Variants in PCDH15 observed in about 807,000 individuals in gnomAD.
PCDH15 encodes protocadherin-15.
PCDH15 carries 129 observed loss-of-function variants against 178.5 expected under a neutral mutation model. The observed-to-expected ratio is 0.72, with a 90% CI of 0.63 to 0.84. The LOEUF is 0.84. PCDH15 is among the 40% of genes least tolerant of loss of function. The pLI is 0.00. For missense variants in PCDH15, 2,230 were observed against 2,099.9 expected (o/e 1.06, Z -1.21); for synonymous variants, 800 against 732.0 (o/e 1.09, Z -1.50).
chr10:54,515,178 T>C (rs577015119), intron 3 of PCDH15, among the ~76,000 whole-genome samples: 6 of 152,320 alleles, frequency 3.9e-5, no homozygotes, highest in African/African-American at 1.2e-4. Context: ...GGGAGAGGCA[T>C]TGCTTCACTC....
intron 3 of PCDH15, among the ~76,000 whole-genome samples, chr10:54,521,811 C>G (rs533402114): frequency 6.6e-6 from 1 of 151,782 alleles, no homozygotes; most frequent in African/African-American, 2.4e-5. Flanking sequence ...TAAAGTTGGC[C>G]GGGCGTGGTG....
intron 13 of PCDH15, among the ~76,000 whole-genome samples, chr10:54,170,863 A>G (rs989996462): frequency 1.3e-4 from 20 of 151,966 alleles, no homozygotes; most frequent in Non-Finnish European, 2.6e-4. Flanking sequence ...TCTATCCTCA[A>G]GGAAATAACT....
intron 2 of PCDH15, among the ~76,000 whole-genome samples, chr10:55,548,152 CT>C (rs1445210445): frequency 6.6e-6 from 1 of 151,024 alleles, no homozygotes; most frequent in African/African-American, 2.4e-5. Context: ...ACCTGAGACT[CT>C]GGTCATCATG....
chr10:54,913,759 C>T (rs1280925659), intron 2 of PCDH15, among the ~76,000 whole-genome samples: 1 of 152,084 alleles, frequency 6.6e-6, no homozygotes, highest in Non-Finnish European at 1.5e-5. Flanking sequence ...GGAGCCCACC[C>T]CTTGCATCAG....
At chr10:54,945,240 G>A (rs1838164296) in intron 2 of PCDH15, among the ~76,000 whole-genome samples, 1 of 151,686 alleles carries the variant, frequency 6.6e-6, no homozygotes, top group South Asian at 2.1e-4. Context: ...CCAAGCAACA[G>A]AACATATAAT....
intron 4 of PCDH15, among the ~76,000 whole-genome samples, chr10:54,373,884 T>C (rs139386191): frequency 2.0e-4 from 30 of 152,182 alleles, no homozygotes; most frequent in Middle Eastern, 3.4e-3. Context: ...GATTTCAAAG[T>C]TTATGTTCAA....
intron 2 of PCDH15, among the ~76,000 whole-genome samples, chr10:55,615,733 G>A (rs1843459609): frequency 6.6e-6 from 1 of 152,034 alleles, no homozygotes; most frequent in Admixed American, 6.6e-5. Flanking sequence ...AATAAAAAAT[G>A]CCAGTCATAG....
intron 11 of PCDH15, among the ~76,000 whole-genome samples, chr10:54,192,735 T>G (rs144157320): frequency 1.8e-4 from 27 of 152,296 alleles, no homozygotes; most frequent in African/African-American, 6.5e-4. Context: ...TCACTCACCA[T>G]AGATTATTTT....
At chr10:55,132,851 T>G (rs1322914860) in intron 2 of PCDH15, among the ~76,000 whole-genome samples, 4 of 152,196 alleles carry the variant, frequency 2.6e-5, no homozygotes, top group African/African-American at 9.6e-5. Flanking sequence ...GAATAAGGTT[T>G]GGAGAGTTAA....
intron 2 of PCDH15, among the ~76,000 whole-genome samples, chr10:54,913,190 G>C (rs1023693185): frequency 6.6e-5 from 10 of 152,184 alleles, no homozygotes; most frequent in African/African-American, 2.4e-4. Context: ...TGGGGAAAAT[G>C]CCTCAAAAGC....
At chr10:54,007,131 G>T (rs897314904) in intron 20 of PCDH15, among the ~76,000 whole-genome samples, 17 of 152,096 alleles carry the variant, frequency 1.1e-4, no homozygotes, top group Non-Finnish European at 2.1e-4. Context: ...GTTTGCTGTA[G>T]AACAGCCCTT....
intron 2 of PCDH15, chr10:55,469,312 C>T (rs1049993760): frequency 8.6e-5 from 13 of 151,936 alleles, no homozygotes; most frequent in African/African-American, 2.4e-4. Flanking sequence ...GCTTTTTGTG[C>T]GTTAACTTGC....
intron 3 of PCDH15, among the ~76,000 whole-genome samples, chr10:54,484,847 A>G (rs1318829813): frequency 1.3e-5 from 2 of 151,948 alleles, no homozygotes; most frequent in East Asian, 3.9e-4. Flanking sequence ...TGTATTCATA[A>G]TGAACATGTG....
At chr10:54,222,463 C>T (rs2052948144) in intron 9 of PCDH15, among the ~76,000 whole-genome samples, 1 of 152,206 alleles carries the variant, frequency 6.6e-6, no homozygotes. Flanking sequence ...CTTCTTTCAA[C>T]TCAGTATAAA....
chr10:54,677,799 GT>G (rs2094818561), intron 1 of PCDH15, among the ~76,000 whole-genome samples: 2 of 152,134 alleles, frequency 1.3e-5, no homozygotes, highest in African/African-American at 4.8e-5. Context: ...GCAGCTTTAT[GT>G]GCCATCCAGA....
At chr10:54,795,060 A>T (rs530253975) in intron 1 of PCDH15, among the ~76,000 whole-genome samples, 62 of 151,890 alleles carry the variant, frequency 4.1e-4, no homozygotes, top group Middle Eastern at 3.4e-3. Flanking sequence ...TCACTTACAA[A>T]CCATACACAT....
At chr10:54,689,130 G>A (rs2095068402) in intron 1 of PCDH15, among the ~76,000 whole-genome samples, 1 of 151,564 alleles carries the variant, frequency 6.6e-6, no homozygotes, top group Non-Finnish European at 1.5e-5. Flanking sequence ...CAACTCTTTA[G>A]CCACAACTAC....
chr10:54,213,304 C>A (rs537295538), intron 10 of PCDH15, among the ~76,000 whole-genome samples: 1 of 152,004 alleles, frequency 6.6e-6, no homozygotes, highest in Non-Finnish European at 1.5e-5. Context: ...AGAAGAATAT[C>A]TGCATTTTTT....
At chr10:54,219,089 T>TAAAAAAAA (rs746481539) in intron 9 of PCDH15, among the ~76,000 whole-genome samples, 14 of 99,974 alleles carry the variant, frequency 1.4e-4, no homozygotes, top group African/African-American at 1.9e-4. Flanking sequence ...CTGTCTCTAC[T>TAAAAAAAA]AAAAAAAAAA....
Sources: allele counts gnomAD v4.1 joint callset (sites outside exome capture counted in the v4.1 genomes callset), GRCh38; gene constraint gnomAD v4.1.1; transcripts MANE v1.5; gene names NCBI Gene and HGNC (gene_info 2026-07-23, HGNC 2026-07-21).